WASL: variants seen among roughly 807,000 people sequenced by gnomAD.
The protein encoded by WASL is WASP like actin nucleation promoting factor, also known as actin nucleation-promoting factor WASL.
A neutral mutation model predicts 55.5 loss-of-function variants in WASL; 20 were observed. That is an observed-to-expected ratio of 0.36 (90% confidence interval 0.25 to 0.52). WASL has a LOEUF of 0.52. WASL is among the 20% of genes least tolerant of loss of function. WASL has a pLI of 0.92. For missense variants in WASL, 504 were observed against 622.5 expected, an observed-to-expected ratio of 0.81 and a Z score of 2.03; for synonymous variants, 249 against 217.6, an observed-to-expected ratio of 1.14 and a Z score of -1.27.
At chr7:123,714,103 T>C (rs778470485) in intron 1 of WASL, among the ~76,000 whole-genome samples, 1 of 152,226 alleles carries the variant, frequency 6.6e-6, no homozygotes, top group African/African-American at 2.4e-5. Context: ...CAGTTTATTA[T>C]GTAGTGATCT....
At chr7:123,723,912 C>G (rs1248888078) in intron 1 of WASL, among the ~76,000 whole-genome samples, 1 of 152,162 alleles carries the variant, frequency 6.6e-6, no homozygotes, top group Non-Finnish European at 1.5e-5. Context: ...CAATACACTT[C>G]TAAAAGATTG....
rs985792769 is a variant in WASL, at chr7:123,692,595, C to G, written c.1099G>C (p.Gly367Arg). 1.9e-6 allele frequency: 3 copies of G among 1,608,206 alleles called. No individual in the cohort carries two copies. The highest frequency in any genetic ancestry group is 2.2e-5 in the East Asian group (1 of 44,796). Residue 367 changes from glycine to arginine, a missense_variant, in exon 9 of 11, where the codon GGG (glycine) becomes CGG (arginine). Physicochemically the swap from Gly to Arg is moderately radical, Grantham distance 125. Transcript: ENST00000223023. The stretch of plus-strand genomic sequence containing the variant: ...GGGGGTGGTGCCACTGGCCCTACCC[C>G]CAACACAGATGGAGGTGGTGGTGGA... ...GPPPPPPSVL[G>R]VGPVAPPPPP...
intron 5 of WASL, among the ~76,000 whole-genome samples, chr7:123,697,219 T>G (rs2116775442): frequency 6.6e-6 from 1 of 152,250 alleles, no homozygotes; most frequent in Non-Finnish European, 1.5e-5. Flanking sequence ...GTACTTAAAA[T>G]TATTACTACC....
chr7:123,717,973 T>A (rs192395936), intron 1 of WASL, among the ~76,000 whole-genome samples: 1 of 152,164 alleles, frequency 6.6e-6, no homozygotes, highest in Non-Finnish European at 1.5e-5. Flanking sequence ...TCAAGTCTTA[T>A]GCAAGAGGAA....
intron 1 of WASL, among the ~76,000 whole-genome samples, chr7:123,720,772 T>C (rs1803932262): frequency 6.6e-6 from 1 of 151,600 alleles, no homozygotes; most frequent in South Asian, 2.1e-4. Flanking sequence ...TGCCTCAGCC[T>C]CCTGGTAGCT....
rs3807639 is a variant in WASL, at chr7:123,706,708, T to C, written c.339+32A>G. 2,799 of 1,440,564 alleles carry C rather than the reference T, an allele frequency of 1.9e-3. 75 individuals carry two copies. In the East Asian group the frequency reaches 0.057, roughly 29 times the overall value. 89.2% of individuals were successfully genotyped at this position (1,440,564 alleles called of 1,614,324 possible). ...TAGAAAAGGCAAGCAATGAAAAAAGTAAAGATGGCAATAAAGAAAAATATG... is the reference window on the plus strand; with the variant it reads ...TAGAAAAGGCAAGCAATGAAAAAAGCAAAGATGGCAATAAAGAAAAATATG... On this transcript the variant is annotated intron_variant, in intron 3 of 10. Coordinates refer to ENST00000223023, the MANE Select transcript of WASL (RefSeq NM_003941.4).
chr7:123,706,222 T>A, intron 4 of WASL, 55 bp downstream of exon 4: 1 of 1,493,470 alleles, frequency 6.7e-7, no homozygotes, highest in Non-Finnish European at 9.3e-7. Flanking sequence ...TGGACCACAC[T>A]TGCCCCATGA....
intron 1 of WASL, among the ~76,000 whole-genome samples, chr7:123,730,850 G>A (rs560259887): frequency 6.6e-6 from 1 of 152,028 alleles, no homozygotes; most frequent in Non-Finnish European, 1.5e-5. Flanking sequence ...TTTGTTATAC[G>A]GGTAAATTGC....
At chr7:123,695,296 A>G (rs7776792) in intron 7 of WASL, among the ~76,000 whole-genome samples, 65,728 of 152,034 alleles carry the variant, frequency 0.43, 14,764 homozygotes, top group South Asian at 0.66. Context: ...TTGAGTTAAC[A>G]TTGTAGCTAT....
intron 8 of WASL, among the ~76,000 whole-genome samples, chr7:123,694,089 G>T (rs1199928994): frequency 6.6e-6 from 1 of 152,182 alleles, no homozygotes. Context: ...GTATGCAAAA[G>T]CTAGGAAGAA....
At chr7:123,708,224 A>AT (rs1229764276) in intron 2 of WASL, among the ~76,000 whole-genome samples, 1 of 152,126 alleles carries the variant, frequency 6.6e-6, no homozygotes, top group East Asian at 1.9e-4. Context: ...TTTACCAAAT[A>AT]CCATAACTGA....
intron 10 of WASL, among the ~76,000 whole-genome samples, chr7:123,688,488 G>A (rs1023650873): frequency 1.3e-5 from 2 of 152,086 alleles, no homozygotes; most frequent in East Asian, 1.9e-4. Context: ...AGCCTCCCGA[G>A]TAGCTGGAAT....
intron 1 of WASL, among the ~76,000 whole-genome samples, chr7:123,737,225 T>C (rs2116822611): frequency 6.6e-6 from 1 of 152,236 alleles, no homozygotes; most frequent in African/African-American, 2.4e-5. Flanking sequence ...TTCAAAACCG[T>C]CCTGGGCCAC....
At chr7:123,706,637 C>A in intron 3 of WASL, 103 bp downstream of exon 3, 3 of 964,342 alleles carry the variant, frequency 3.1e-6, no homozygotes, top group Admixed American at 3.1e-5. Context: ...AATAAAATAG[C>A]AAATTGAATT....
At chr7:123,704,726 T>C in intron 4 of WASL, 69 bp from the exon 5 acceptor site, 1 of 1,051,996 alleles carries the variant, frequency 9.5e-7, no homozygotes, top group Non-Finnish European at 1.3e-6. Context: ...AAAAAATTAA[T>C]TCACTAAACT....
chr7:123,685,818 G>A (rs1803277926), intron 10 of WASL, among the ~76,000 whole-genome samples: 1 of 147,512 alleles, frequency 6.8e-6, no homozygotes, highest in South Asian at 2.1e-4. Flanking sequence ...TATAAAATAT[G>A]TATAAATATA....
At chr7:123,734,344 A>G (rs926017011) in intron 1 of WASL, among the ~76,000 whole-genome samples, 10 of 152,292 alleles carry the variant, frequency 6.6e-5, no homozygotes, top group Middle Eastern at 3.4e-3. Flanking sequence ...ACGTCTCACC[A>G]AAGAAGATAT....
intron 1 of WASL, among the ~76,000 whole-genome samples, chr7:123,736,613 G>C (rs893493314): frequency 6.6e-6 from 1 of 152,060 alleles, no homozygotes. Flanking sequence ...GTCCATCACT[G>C]ACTGAAACAC....
At chr7:123,701,054 G>A (rs1473582306) in intron 5 of WASL, among the ~76,000 whole-genome samples, 5 of 152,004 alleles carry the variant, frequency 3.3e-5, no homozygotes, top group East Asian at 3.9e-4. Flanking sequence ...TGTTTCAAGC[G>A]ACACACTAAA....
Sources: allele counts gnomAD v4.1 joint callset (sites outside exome capture counted in the v4.1 genomes callset), GRCh38; gene constraint gnomAD v4.1.1; transcripts MANE v1.5; gene names NCBI Gene and HGNC (gene_info 2026-07-23, HGNC 2026-07-21).